Variants in SGK1 observed in about 807,000 individuals in gnomAD.
The protein encoded by SGK1 is serine/threonine-protein kinase Sgk1.
SGK1 carries 26 observed loss-of-function variants against 64.2 expected under a neutral mutation model. The ratio of observed to expected loss-of-function variants is 0.40; its 90% CI spans 0.30 to 0.56. The LOEUF (loss-of-function observed/expected upper bound fraction) is 0.56, where lower values mean the gene tolerates loss of function less well. SGK1 is among the 20% of genes least tolerant of loss of function. The pLI is 0.38. For synonymous variants in SGK1, 265 were observed against 239.7 expected, an observed-to-expected ratio of 1.11 and a Z score of -0.98; for missense variants, 519 against 645.6, an observed-to-expected ratio of 0.80 and a Z score of 2.12.
At chr6:134,313,357 C>T (rs1777634617) in intron 1 of SGK1, among the ~76,000 whole-genome samples, 1 of 151,172 alleles carries the variant, frequency 6.6e-6, no homozygotes, top group Non-Finnish European at 1.5e-5. Flanking sequence ...ACCAACCAAC[C>T]AAACAAACAA....
intron 2 of SGK1, among the ~76,000 whole-genome samples, chr6:134,255,135 C>T (rs1011611096): frequency 7.2e-5 from 11 of 152,192 alleles, no homozygotes; most frequent in East Asian, 1.9e-4. Context: ...TCCCAAAGTG[C>T]TGGGATTACA....
intron 3 of SGK1, among the ~76,000 whole-genome samples, chr6:134,203,467 G>A (rs1251541216): frequency 6.6e-6 from 1 of 152,124 alleles, no homozygotes; most frequent in Non-Finnish European, 1.5e-5. Context: ...ATCTAACTGT[G>A]TCATTACATT....
At chr6:134,179,044 C>G (rs1412589293) in intron 3 of SGK1, among the ~76,000 whole-genome samples, 1 of 151,960 alleles carries the variant, frequency 6.6e-6, no homozygotes, top group Non-Finnish European at 1.5e-5. Context: ...ATGCTAAAAC[C>G]TGAGAGCTTC....
At chr6:134,209,399 A>T (rs1486773052) in intron 2 of SGK1, among the ~76,000 whole-genome samples, 1 of 152,142 alleles carries the variant, frequency 6.6e-6, no homozygotes, top group Non-Finnish European at 1.5e-5. Context: ...GTGCCACTGC[A>T]CTCTAGCCTG....
At chr6:134,198,479 G>GA (rs1321728536) in intron 3 of SGK1, among the ~76,000 whole-genome samples, 2 of 151,990 alleles carry the variant, frequency 1.3e-5, no homozygotes, top group Admixed American at 6.6e-5. Context: ...CTTTTCAAGA[G>GA]AAAAAATCTA....
chr6:134,246,302 C>T (rs1395099654), intron 2 of SGK1, among the ~76,000 whole-genome samples: 1 of 150,856 alleles, frequency 6.6e-6, no homozygotes, highest in Non-Finnish European at 1.5e-5. Flanking sequence ...GCATGTGCCA[C>T]CCCGCCTGGC....
Position 134,317,208 on chromosome 6 carries a change from C to T in SGK1, c.69+184G>A, listed in dbSNP as rs532196839. Among the ~76,000 whole-genome samples the T allele has an allele frequency of 1.0e-3, 157 of 152,228 alleles. 1 individual carries two copies. Among genetic ancestry groups the T allele is most frequent in the African/African-American group, 3.6e-3 (149 of 41,542 alleles). On this transcript the variant is annotated intron_variant, in intron 1 of 13. Coordinates refer to ENST00000367858, the MANE Select transcript of SGK1 (RefSeq NM_001143676.3). ...CCTCCCAATGCAACTCTTCATAGCC[C>T]CCTGCCCCTCCTCCAACAAATTCTA...
chr6:134,174,014 A>G lies in SGK1; in HGVS notation c.504T>C (p.Pro168=). The G allele has an allele frequency of 6.2e-7, 1 of 1,612,326 alleles. No individual in the cohort carries two copies. The highest frequency in any genetic ancestry group is 1.1e-5 in the South Asian group (1 of 90,924). The change falls in exon 5 of 14, where the codon CCT becomes CCC. Residue 168 remains proline (P), a synonymous_variant. Transcript: ENST00000367858. ...ACATACAAAAACTTACTGGAGGAGA[A>G]GGGTTGGCATTCATAAGCTCAGGCT... ...PQEPELMNAN[P]SPPPSPSQQI...
intron 3 of SGK1, among the ~76,000 whole-genome samples, chr6:134,188,101 G>A (rs1775451294): frequency 6.6e-6 from 1 of 152,136 alleles, no homozygotes; most frequent in Non-Finnish European, 1.5e-5. Context: ...AAGAGTAGTT[G>A]GGGAAAGGGG....
rs11418007 is a variant in SGK1 at position 134,252,616 on chromosome 6, C to CAAAAAA, written c.285+9311_285+9316dup. 8.3e-4 allele frequency among the ~76,000 whole-genome samples: 55 copies of CAAAAAA among 65,958 alleles called. 2 individuals are homozygous for CAAAAAA. Among genetic ancestry groups the CAAAAAA allele is most frequent in the East Asian group, 4.5e-3 (8 of 1,768 alleles). 43.3% of individuals were successfully genotyped at this position (65,958 alleles called of 152,430 possible). On this transcript the variant is annotated intron_variant, in intron 2 of 13. Coordinates refer to ENST00000367858, the MANE Select transcript of SGK1 (RefSeq NM_001143676.3). ...TGGGCAACAGAGTGAGATTCCACCT[C>CAAAAAA]AAAAAAAAAAAAAAAAAAAAAAAAG...
intron 2 of SGK1, among the ~76,000 whole-genome samples, chr6:134,249,817 T>C (rs959556017): frequency 3.3e-5 from 5 of 152,194 alleles, no homozygotes; most frequent in Non-Finnish European, 7.3e-5. Context: ...TGGTGTCAGA[T>C]TTGCTTGTTT....
In SGK1 at chr6:134,210,791, G is replaced by A. The variant is rs184156193; in HGVS notation, c.286-3360C>T. ...TGTGTCACGGCACTCCTGCCTGGGCGACAGAGCAAGACTCCGTCTCAAAAA... is the reference window on the plus strand; with the variant it reads ...TGTGTCACGGCACTCCTGCCTGGGCAACAGAGCAAGACTCCGTCTCAAAAA... On this transcript the variant is annotated intron_variant, in intron 2 of 13. Coordinates refer to ENST00000367858, the MANE Select transcript of SGK1 (RefSeq NM_001143676.3). Among the ~76,000 whole-genome samples the A allele has an allele frequency of 7.0e-3, 893 of 128,430 alleles. 5 individuals are homozygous for A. Among genetic ancestry groups the A allele is most frequent in the Non-Finnish European group, 0.011 (685 of 64,314 alleles). The allele number at this position is 128,430 out of a possible 152,430, so 84.3% of individuals were successfully genotyped here.
chr6:134,278,136 T>C (rs1777044584), intron 1 of SGK1, among the ~76,000 whole-genome samples: 1 of 152,188 alleles, frequency 6.6e-6, no homozygotes. Context: ...GACTTGGAAC[T>C]CTCTGTTTCT....
At chr6:134,235,323 G>A (rs953612547) in intron 2 of SGK1, among the ~76,000 whole-genome samples, 2 of 151,992 alleles carry the variant, frequency 1.3e-5, no homozygotes, top group African/African-American at 4.8e-5. Flanking sequence ...AGGTCCTTGG[G>A]GAATATCTTC....
At chr6:134,261,612 A>G (rs1056195249) in intron 2 of SGK1, 2 of 575,354 alleles carry the variant, frequency 3.5e-6, no homozygotes, top group Admixed American at 3.1e-5. Context: ...TATAACACCA[A>G]GAGTGAACTC....
intron 1 of SGK1, among the ~76,000 whole-genome samples, chr6:134,282,132 G>A (rs1466681869): frequency 6.6e-6 from 1 of 152,108 alleles, no homozygotes; most frequent in Non-Finnish European, 1.5e-5. Flanking sequence ...TGTTGAGTCA[G>A]ATCTGGAGTA....
intron 1 of SGK1, among the ~76,000 whole-genome samples, chr6:134,295,232 G>A (rs574532276): frequency 1.3e-5 from 2 of 152,284 alleles, no homozygotes; most frequent in Admixed American, 1.3e-4. Context: ...GAGTCCAATG[G>A]ATGAGGAAGG....
intron 2 of SGK1, among the ~76,000 whole-genome samples, chr6:134,210,167 C>T (rs1420972667): frequency 6.6e-6 from 1 of 152,182 alleles, no homozygotes; most frequent in Non-Finnish European, 1.5e-5. Context: ...TAAATGTCTA[C>T]TGACGGATAA....
chr6:134,269,201 C>A (rs1776903764), intron 1 of SGK1, among the ~76,000 whole-genome samples: 1 of 147,434 alleles, frequency 6.8e-6, no homozygotes, highest in African/African-American at 2.4e-5. Context: ...TGGCCCCCGT[C>A]CTTTTAGGGG....
Sources: allele counts gnomAD v4.1 joint callset (sites outside exome capture counted in the v4.1 genomes callset), GRCh38; gene constraint gnomAD v4.1.1; transcripts MANE v1.5; gene names NCBI Gene and HGNC (gene_info 2026-07-23, HGNC 2026-07-21).